Variants in FAAH2 observed in about 807,000 individuals in gnomAD.
FAAH2 encodes the protein fatty-acid amide hydrolase 2.
In FAAH2, 60 loss-of-function variants were observed where a neutral mutation model predicts 36.9. The observed-to-expected ratio is 1.63, with a 90% confidence interval of 1.32 to 2.02. The LOEUF is 2.02. FAAH2 is among the 30% of genes most tolerant of loss of function. The pLI, the probability that FAAH2 is intolerant of heterozygous loss-of-function variation, is 0.00. For missense variants in FAAH2, 689 were observed against 397.5 expected, an observed-to-expected ratio of 1.73 and a Z score of -6.23; for synonymous variants, 214 against 143.8, an observed-to-expected ratio of 1.49 and a Z score of -3.49.
chrX:57,237,255 A>T, the FAAH2 span, among the ~76,000 whole-genome samples: 2 of 111,131 alleles, frequency 1.8e-5, no homozygotes, highest in African/African-American at 6.5e-5. Context: ...TTTGGTTATT[A>T]TTGCTTTATA....
intron 10 of FAAH2, among the ~76,000 whole-genome samples, chrX:57,464,092 T>C (rs1250152495): frequency 8.9e-6 from 1 of 112,074 alleles, no homozygotes; most frequent in Non-Finnish European, 1.9e-5. Flanking sequence ...AATTAGTTCA[T>C]GATGTCCTTT....
At chrX:57,214,008 G>A in the FAAH2 span, among the ~76,000 whole-genome samples, 2 of 111,846 alleles carry the variant, frequency 1.8e-5, no homozygotes, top group Non-Finnish European at 3.8e-5. Flanking sequence ...GATGTTGGGT[G>A]CATTGATATA....
chrX:57,328,647 T>A (rs2053298869), intron 3 of FAAH2, among the ~76,000 whole-genome samples: 1 of 112,165 alleles, frequency 8.9e-6, no homozygotes, highest in Non-Finnish European at 1.9e-5. Flanking sequence ...TTTTTTGAAT[T>A]GTCAGAGTTC....
chrX:57,306,324 AC>A (rs1174135347), intron 2 of FAAH2, among the ~76,000 whole-genome samples: 1 of 111,806 alleles, frequency 8.9e-6, no homozygotes, highest in Non-Finnish European at 1.9e-5. Flanking sequence ...CTAGCTATAG[AC>A]ACACAGAAAT....
At chrX:57,388,999 C>T (rs1283004480) in intron 7 of FAAH2, among the ~76,000 whole-genome samples, 5 of 108,948 alleles carry the variant, frequency 4.6e-5, no homozygotes, top group Non-Finnish European at 9.6e-5. Flanking sequence ...ACCTATTTAC[C>T]TAGTAAAGGA....
intron 5 of FAAH2, among the ~76,000 whole-genome samples, chrX:57,346,966 T>A (rs2053839427): frequency 9.0e-6 from 1 of 111,162 alleles, no homozygotes; most frequent in African/African-American, 3.3e-5. Context: ...GAAAGTGACA[T>A]GACCTTTTCC....
chrX:57,321,553 G>T (rs758188709), intron 3 of FAAH2, among the ~76,000 whole-genome samples: 3 of 109,059 alleles, frequency 2.8e-5, no homozygotes, highest in Non-Finnish European at 5.7e-5. Context: ...TAAAAAAATA[G>T]GTTTCCAATT....
the FAAH2 span, among the ~76,000 whole-genome samples, chrX:57,266,259 A>G: frequency 1.8e-5 from 2 of 112,124 alleles, no homozygotes; most frequent in African/African-American, 6.5e-5. Flanking sequence ...AGGGAGGAGC[A>G]GGCTGCTATC....
chrX:57,398,738 G>T (rs924459913), intron 7 of FAAH2, among the ~76,000 whole-genome samples: 1 of 111,292 alleles, frequency 9.0e-6, no homozygotes, highest in East Asian at 2.8e-4. Flanking sequence ...AACCTAATTA[G>T]CATTTTAGTG....
At chrX:57,316,097 G>C (rs2052830029) in intron 3 of FAAH2, among the ~76,000 whole-genome samples, 1 of 111,046 alleles carries the variant, frequency 9.0e-6, no homozygotes. Flanking sequence ...GTATAATGAT[G>C]TCCTGGTTGA....
intron 3 of FAAH2, among the ~76,000 whole-genome samples, chrX:57,313,577 A>G (rs1450180506): frequency 9.0e-6 from 1 of 111,491 alleles, no homozygotes; most frequent in African/African-American, 3.3e-5. Context: ...AACCTTAACA[A>G]TGAGAAGATA....
chrX:57,316,567 T>C (rs1171156445), intron 3 of FAAH2, among the ~76,000 whole-genome samples: 1 of 110,192 alleles, frequency 9.1e-6, no homozygotes, highest in Non-Finnish European at 1.9e-5. Context: ...AGAAATAAAG[T>C]CACACACATA....
the FAAH2 span, among the ~76,000 whole-genome samples, chrX:57,224,145 T>A: frequency 3.6e-5 from 4 of 110,165 alleles, no homozygotes; most frequent in African/African-American, 1.3e-4. Context: ...ATATTACCTC[T>A]CCTCCTTAAT....
intron 10 of FAAH2, among the ~76,000 whole-genome samples, chrX:57,473,955 G>A (rs1191380898): frequency 7.2e-5 from 8 of 111,053 alleles, no homozygotes; most frequent in African/African-American, 2.6e-4. Flanking sequence ...GTCTTATTTT[G>A]TGACTCTGTA....
the FAAH2 span, among the ~76,000 whole-genome samples, chrX:57,217,722 G>A: frequency 1.8e-5 from 2 of 111,735 alleles, no homozygotes. Flanking sequence ...TGTGATGCCT[G>A]CAGATTTGTT....
chrX:57,435,264 A>G (rs1304312528), intron 8 of FAAH2, among the ~76,000 whole-genome samples: 1 of 112,118 alleles, frequency 8.9e-6, no homozygotes, highest in African/African-American at 3.2e-5. Flanking sequence ...TCACCAAACC[A>G]TAAAGACAAA....
chrX:57,325,426 T>C (rs1197327909), intron 3 of FAAH2, among the ~76,000 whole-genome samples: 16 of 111,531 alleles, frequency 1.4e-4, no homozygotes, highest in East Asian at 5.6e-4. Context: ...ACCAGCTCCT[T>C]CTTGTACCTC....
the FAAH2 span, among the ~76,000 whole-genome samples, chrX:57,124,180 A>G: frequency 9.0e-6 from 1 of 111,345 alleles, no homozygotes; most frequent in East Asian, 2.8e-4. Context: ...TAATTTTTGT[A>G]TAAGGTGTAA....
At chrX:57,221,953 G>C in the FAAH2 span, among the ~76,000 whole-genome samples, 1 of 110,225 alleles carries the variant, frequency 9.1e-6, no homozygotes, top group Admixed American at 9.7e-5. Flanking sequence ...ATCTGCTCCT[G>C]TGTAGCCCCT....
Sources: gnomAD v4.1 joint callset for allele counts (sites outside exome capture counted in the v4.1 genomes callset) on GRCh38, gnomAD v4.1.1 for gene constraint, MANE v1.5 for transcripts, NCBI Gene and HGNC (gene_info 2026-07-23, HGNC 2026-07-21) for gene names.